Variants in HHIP observed in about 807,000 individuals in gnomAD.
HHIP encodes the protein hedgehog-interacting protein.
A neutral mutation model predicts 74.0 loss-of-function variants in HHIP; 12 were observed. The ratio of observed to expected loss-of-function variants is 0.16; its 90% confidence interval spans 0.10 to 0.26. HHIP has a LOEUF of 0.26. HHIP is among the 10% of genes least tolerant of loss of function. HHIP has a pLI of 1.00. For synonymous variants in HHIP, 309 were observed against 311.6 expected (o/e 0.99, Z 0.09); for missense variants, 788 against 845.0 (o/e 0.93, Z 0.84).
At chr4:144,662,086 G>A (rs1384326533) in intron 4 of HHIP, among the ~76,000 whole-genome samples, 1 of 152,146 alleles carries the variant, frequency 6.6e-6, no homozygotes, top group Non-Finnish European at 1.5e-5. Context: ...GACATAAGGA[G>A]GAATTTCTGA....
In HHIP at chr4:144,737,922, TCTTA is replaced by T; in HGVS notation, c.2072_2075del (p.Tyr691CysfsTer4). The T allele has an allele frequency of 6.2e-7, 1 of 1,612,064 alleles. No individual in the cohort carries two copies. ...TCTTGATCAGATCATTGACATGACA[TCTTA>T]CTTGCTGGATCTAACAAGTTACATT... is the stretch of plus-strand genomic sequence containing the variant. On this transcript the variant is annotated frameshift_variant, in exon 13 of 13. Coordinates refer to ENST00000296575, the MANE Select transcript of HHIP (RefSeq NM_022475.3). LOFTEE classifies it high-confidence loss of function.
chr4:144,688,595 C>T (rs1305708547), intron 4 of HHIP, among the ~76,000 whole-genome samples: 2 of 152,092 alleles, frequency 1.3e-5, no homozygotes, highest in East Asian at 1.9e-4. Flanking sequence ...TTTAAATAAA[C>T]GTGAGGTTCT....
intron 11 of HHIP, among the ~76,000 whole-genome samples, chr4:144,727,155 A>G (rs1471500936): frequency 6.6e-6 from 1 of 152,196 alleles, no homozygotes; most frequent in Non-Finnish European, 1.5e-5. Context: ...GAAATCCAAG[A>G]GCAGGGTACC....
At chr4:144,679,145 T>C (rs1179195528) in intron 4 of HHIP, among the ~76,000 whole-genome samples, 2 of 152,252 alleles carry the variant, frequency 1.3e-5, no homozygotes, top group Non-Finnish European at 2.9e-5. Context: ...GATTAGTTTT[T>C]TTTTTCTATG....
chr4:144,661,002 GTGC>G (rs1423475315), intron 4 of HHIP, among the ~76,000 whole-genome samples: 1 of 152,184 alleles, frequency 6.6e-6, no homozygotes, highest in Non-Finnish European at 1.5e-5. Flanking sequence ...GTTTTCAAAT[GTGC>G]TTTGAGTAAA....
chr4:144,708,300 C>A lies in HHIP; in HGVS notation c.1290C>A (p.His430Gln). The change falls in exon 7 of 13, where the codon CAC becomes CAA. Residue 430 changes from histidine (H) to glutamine (Q), a missense_variant. Coordinates refer to ENST00000296575, the MANE Select transcript of HHIP (RefSeq NM_022475.3). ...CCGAAGTGTTTGCTCATGGGCTCCA[C>A]GATCCAGGCAGGTGAGAACACAAGT... is the stretch of plus-strand genomic sequence containing the variant. Reference protein sequence around the residue: ...QPPEVFAHGLHDPGRCAVDRH... With the variant: ...QPPEVFAHGLQDPGRCAVDRH... 1 of 1,614,080 alleles carries A rather than the reference C, an allele frequency of 6.2e-7. No homozygotes were observed.
chr4:144,699,023 C>A (rs1310909572), intron 4 of HHIP, among the ~76,000 whole-genome samples: 1 of 152,116 alleles, frequency 6.6e-6, no homozygotes. Flanking sequence ...TCACACCCAC[C>A]AGTCCTCCCA....
At chr4:144,731,127 T>C (rs1172003124) in intron 11 of HHIP, among the ~76,000 whole-genome samples, 1 of 152,238 alleles carries the variant, frequency 6.6e-6, no homozygotes. Context: ...GTTTATGATA[T>C]GAAAGTATAG....
At chr4:144,662,004 A>G (rs1463476576) in intron 4 of HHIP, among the ~76,000 whole-genome samples, 1 of 152,248 alleles carries the variant, frequency 6.6e-6, no homozygotes, top group Non-Finnish European at 1.5e-5. Flanking sequence ...GAAATTGAGA[A>G]TAATACAAAC....
chr4:144,683,711 C>T (rs574135615), intron 4 of HHIP, among the ~76,000 whole-genome samples: 3 of 152,138 alleles, frequency 2.0e-5, no homozygotes, highest in Non-Finnish European at 2.9e-5. Context: ...GGGAACACAA[C>T]CACATCATTT....
chr4:144,700,311 A>G (rs1370874091), intron 4 of HHIP, among the ~76,000 whole-genome samples: 1 of 152,212 alleles, frequency 6.6e-6, no homozygotes, highest in Non-Finnish European at 1.5e-5. Flanking sequence ...TGCTCACAGG[A>G]GGGCATGGCC....
At chr4:144,678,157 A>C (rs1729225578) in intron 4 of HHIP, among the ~76,000 whole-genome samples, 1 of 152,180 alleles carries the variant, frequency 6.6e-6, no homozygotes, top group African/African-American at 2.4e-5. Context: ...AATCATATTT[A>C]TTAGGGAATC....
At chr4:144,701,921 C>T (rs1320471723) in intron 4 of HHIP, among the ~76,000 whole-genome samples, 1 of 152,158 alleles carries the variant, frequency 6.6e-6, no homozygotes, top group African/African-American at 2.4e-5. Flanking sequence ...ACTGTAACCA[C>T]ATTAAAGTAT....
intron 11 of HHIP, among the ~76,000 whole-genome samples, chr4:144,722,788 A>C (rs746998215): frequency 6.6e-6 from 1 of 152,098 alleles, no homozygotes; most frequent in Non-Finnish European, 1.5e-5. Flanking sequence ...CAGGAGGTGG[A>C]GGTTGCAGTG....
intron 4 of HHIP, among the ~76,000 whole-genome samples, chr4:144,701,321 T>G (rs1447502888): frequency 2.0e-5 from 2 of 100,722 alleles, no homozygotes; most frequent in Non-Finnish European, 4.2e-5. Flanking sequence ...AGCTGTTTTT[T>G]TCTTTTTTTT....
In HHIP at chr4:144,706,361, A is replaced by G. The variant is rs1357746555; in HGVS notation, c.832-170A>G. Among the ~76,000 whole-genome samples, 3 of 152,190 alleles carry G rather than the reference A, an allele frequency of 2.0e-5. No homozygotes were observed. The East Asian group carries it at 5.8e-4, about 29-fold the overall frequency. On this transcript the variant is annotated intron_variant, in intron 4 of 12. Transcript: ENST00000296575. ...GTTCTAACCCTTAAAGAGTTCCACA[A>G]AGTGAAATGTTTTATAATCCTTTTT... is the stretch of plus-strand genomic sequence containing the variant.
In HHIP at chr4:144,647,205, G is replaced by A; in HGVS notation, c.279+251G>A. On this transcript the variant is annotated intron_variant, in intron 1 of 12. Transcript: ENST00000296575. ...CCTATCTCTGAAAACAGACGTTTCT[G>A]CGGTACCCGCACCCTGGGCTGGGTA... is the stretch of plus-strand genomic sequence containing the variant. The A allele has an allele frequency of 4.5e-6, 2 of 442,646 alleles. 1 individual carries two copies. The highest frequency in any genetic ancestry group is 1.2e-4 in the South Asian group (2 of 16,254). 27.4% of individuals were successfully genotyped at this position (442,646 alleles called of 1,614,324 possible).
At chr4:144,706,030 AG>A (rs1186016692) in intron 4 of HHIP, among the ~76,000 whole-genome samples, 2 of 152,248 alleles carry the variant, frequency 1.3e-5, no homozygotes, top group Non-Finnish European at 2.9e-5. Flanking sequence ...AGATGCCTCC[AG>A]GGTAAAGCAA....
intron 4 of HHIP, among the ~76,000 whole-genome samples, chr4:144,699,679 A>C (rs1281693026): frequency 6.6e-6 from 1 of 152,168 alleles, no homozygotes; most frequent in Admixed American, 6.5e-5. Context: ...TGAAAAAAAA[A>C]TGCACTCCTA....
Sources: gnomAD v4.1 joint callset for allele counts (sites outside exome capture counted in the v4.1 genomes callset) on GRCh38, gnomAD v4.1.1 for gene constraint, MANE v1.5 for transcripts, NCBI Gene and HGNC (gene_info 2026-07-23, HGNC 2026-07-21) for gene names.